Variants in IGSF9B observed in about 807,000 individuals in gnomAD.
The protein encoded by IGSF9B is immunoglobulin superfamily member 9B, also known as protein turtle homolog B.
In IGSF9B, 48 loss-of-function variants were observed where a neutral mutation model predicts 143.7. That is an observed-to-expected ratio of 0.33 (90% CI 0.26 to 0.42). The LOEUF is 0.42. Among genes scored for constraint, IGSF9B ranks in the 20% least tolerant of loss-of-function variants. IGSF9B has a pLI of 1.00. For missense variants in IGSF9B, 1,706 were observed against 1,980.0 expected (o/e 0.86, Z 2.63); for synonymous variants, 903 against 833.1 (o/e 1.08, Z -1.44).
intron 3 of IGSF9B, among the ~76,000 whole-genome samples, chr11:133,940,651 CAA>C (rs767224811): frequency 6.1e-5 from 9 of 147,772 alleles, no homozygotes; most frequent in Non-Finnish European, 1.2e-4. Flanking sequence ...TCATCACACG[CAA>C]AAACATACAC....
Position 133,932,081 on chromosome 11 carries a change from T to C in IGSF9B, c.1100A>G (p.Gln367Arg), listed in dbSNP as rs890364981. 1 of 1,612,886 alleles carries C rather than the reference T, an allele frequency of 6.2e-7. No homozygotes were observed. The highest frequency in any genetic ancestry group is 8.5e-7 in the Non-Finnish European group (1 of 1,179,264). The change falls in exon 8 of 20, where the codon CAG (glutamine) becomes CGG (arginine). Residue 367 changes from glutamine to arginine, a missense_variant. Coordinates refer to ENST00000533871, the MANE Select transcript of IGSF9B (RefSeq NM_001277285.4). ...VKWNKDGRPL[Q>R]VEKNLGWTLM... ...GCATCTCTCTAGCACCTTCTCAACCTGCAGGGGACGGCCGTCCTTGTTCCA... is the reference window on the plus strand; with the variant it reads ...GCATCTCTCTAGCACCTTCTCAACCCGCAGGGGACGGCCGTCCTTGTTCCA...
Position 133,904,154 on chromosome 11 carries a change from A to C in IGSF9B, c.*4915T>G, listed in dbSNP as rs1939179686. 6.6e-6 allele frequency among the ~76,000 whole-genome samples: 1 copy of C among 152,136 alleles called. No individual in the cohort carries two copies. The highest frequency in any genetic ancestry group is 6.6e-5 in the Admixed American group (1 of 15,266). On this transcript the variant is annotated 3_prime_UTR_variant, in exon 20 of 20. Coordinates refer to ENST00000533871, the MANE Select transcript of IGSF9B (RefSeq NM_001277285.4). ...AGGAAGCCTCTCTACCTCAAGAGGA[A>C]AGGGGGATGAAGGCACGTCAGGCTC...
At chr11:133,933,632 C>T (rs1939772508) in intron 7 of IGSF9B, among the ~76,000 whole-genome samples, 1 of 152,186 alleles carries the variant, frequency 6.6e-6, no homozygotes, top group Admixed American at 6.5e-5. Context: ...CCTGTAGTCC[C>T]AGCTACTCTG....
intron 18 of IGSF9B, among the ~76,000 whole-genome samples, chr11:133,918,647 T>C (rs1159712847): frequency 1.3e-5 from 2 of 151,450 alleles, no homozygotes; most frequent in Non-Finnish European, 2.9e-5. Flanking sequence ...GACTTCCAGG[T>C]ACCAGGGAGG....
rs1419521297 is a variant in IGSF9B, at chr11:133,928,409, C to A, written c.1631+1262G>T. 6.6e-6 allele frequency among the ~76,000 whole-genome samples: 1 copy of A among 152,184 alleles called. No individual in the cohort carries two copies. The highest frequency in any genetic ancestry group is 1.5e-5 in the Non-Finnish European group (1 of 68,040). On this transcript the variant is annotated intron_variant, in intron 12 of 19. Transcript: ENST00000533871. The surrounding 1 kb of genome is among the most constrained non-coding windows in gnomAD (Gnocchi z 4.7). ...GGACACTCCGCCCGGGAAGCAGCCA[C>A]CGAACCACCATGATGGGAGACAGAG...
rs546145062 is a variant in IGSF9B at position 133,936,301 on chromosome 11, G to A, written c.680-107C>T. On this transcript the variant is annotated intron_variant, in intron 5 of 19. Transcript: ENST00000533871. ...CTCAGGAAGCGGTGCCCTGAACACT[G>A]CGATGGGGGCGGCTGTCATGGAGAC... The A allele has an allele frequency of 3.2e-6, 3 of 949,658 alleles. No homozygotes were observed. In the Admixed American group the frequency reaches 6.5e-5, roughly 21 times the overall value. 58.8% of individuals were successfully genotyped at this position (949,658 alleles called of 1,614,324 possible).
At position 133,908,938 on chromosome 11, in the gene IGSF9B, C is replaced by G; in HGVS notation, c.*131G>C. Reference sequence around the variant, plus strand: ...ATCTGGAGGGAGACACCCGCTCTGGCAAAAGAGGGGGCATGCAGGACAAAG... The same window carrying G: ...ATCTGGAGGGAGACACCCGCTCTGGGAAAAGAGGGGGCATGCAGGACAAAG... On this transcript the variant is annotated 3_prime_UTR_variant, in exon 20 of 20. Coordinates refer to ENST00000533871, the MANE Select transcript of IGSF9B (RefSeq NM_001277285.4). 1 of 772,746 alleles carries G rather than the reference C, an allele frequency of 1.3e-6. No homozygotes were observed. Among genetic ancestry groups the G allele is most frequent in the Admixed American group, 2.5e-5 (1 of 39,234 alleles). The allele number at this position is 772,746 out of a possible 1,614,324, so 47.9% of individuals were successfully genotyped here.
At chr11:133,917,987 C>T (rs1281242904) in intron 18 of IGSF9B, among the ~76,000 whole-genome samples, 1 of 130,188 alleles carries the variant, frequency 7.7e-6, no homozygotes, top group Non-Finnish European at 1.6e-5. Context: ...AGCAGGCTGG[C>T]GAGGCTGGCG....
At chr11:133,940,608 CAT>C (rs775849993) in intron 3 of IGSF9B, among the ~76,000 whole-genome samples, 2 of 146,258 alleles carry the variant, frequency 1.4e-5, no homozygotes, top group African/African-American at 2.6e-5. Context: ...CGCGTCATCA[CAT>C]AAACATACAC....
At chr11:133,921,455 C>T (rs986916337) in intron 17 of IGSF9B, 58 bp from the exon 18 acceptor site, 1 of 1,331,462 alleles carries the variant, frequency 7.5e-7, no homozygotes, top group South Asian at 1.6e-5. Context: ...CTGGCCAGGA[C>T]TTCCTTTCCC....
intron 18 of IGSF9B, 165 bp from the exon 19 acceptor site, chr11:133,912,172 C>A (rs1360106628): frequency 1.2e-6 from 1 of 848,700 alleles, no homozygotes; most frequent in Non-Finnish European, 1.9e-6. Context: ...TTCTATTGCT[C>A]CTGGAAAGAA....
chr11:133,916,833 G>A (rs2121279226), intron 18 of IGSF9B, among the ~76,000 whole-genome samples: 1 of 152,262 alleles, frequency 6.6e-6, no homozygotes, highest in South Asian at 2.1e-4. Flanking sequence ...GCTGGGACAG[G>A]GAGGGAGCTG....
At chr11:133,946,378 C>T (rs890714055) in intron 1 of IGSF9B, 120 bp from the exon 2 acceptor site, 110 of 792,264 alleles carry the variant, frequency 1.4e-4, no homozygotes, top group Admixed American at 4.2e-5. Context: ...CATGGGCCAC[C>T]GTACCCTCCC....
intron 7 of IGSF9B, 45 bp from the exon 8 acceptor site, chr11:133,932,258 G>T (rs1464621702): frequency 6.7e-7 from 1 of 1,484,050 alleles, no homozygotes; most frequent in African/African-American, 2.5e-5. Flanking sequence ...GACAGACACA[G>T]GGACAGACAG....
chr11:133,956,596 ACCGGGGGGCCAAGGAG>A (rs1565455861), intron 1 of IGSF9B, 79 bp downstream of exon 1: 11 of 805,440 alleles, frequency 1.4e-5, no homozygotes, highest in Non-Finnish European at 2.2e-5. Flanking sequence ...GAGCTGGGGA[ACCGGGGGGCCAAGGAG>A]CCGGGAAACC....
intron 1 of IGSF9B, among the ~76,000 whole-genome samples, chr11:133,950,571 G>T (rs565088472): frequency 6.6e-6 from 1 of 152,338 alleles, no homozygotes; most frequent in East Asian, 1.9e-4. Context: ...CAGGCGCCGG[G>T]ATCAAGGCCT....
chr11:133,904,061 T>C lies in IGSF9B; in HGVS notation c.*5008A>G, dbSNP rs1939178420. Among the ~76,000 whole-genome samples the C allele has an allele frequency of 6.6e-6, 1 of 152,258 alleles. No individual in the cohort carries two copies. The highest frequency in any genetic ancestry group is 2.4e-5 in the African/African-American group (1 of 41,550). On this transcript the variant is annotated 3_prime_UTR_variant, in exon 20 of 20. Coordinates refer to ENST00000533871, the MANE Select transcript of IGSF9B (RefSeq NM_001277285.4). ...CACCTCCACCACAGACTAGTGACTT[T>C]AGCCTATCAAAAGAAGAGAAAGTAA...
rs755027167 is a variant in IGSF9B, at chr11:133,920,803, G to T, written c.2922C>A (p.Ser974Arg). ...GQYYGYLSSS[S>R]PGEVEPPPFY... The stretch of plus-strand genomic sequence containing the variant: ...ACGGGGGCGGCTCCACCTCCCCAGG[G>T]CTGCTGCTGCTGAGGTACCCATAAT... The change falls in exon 18 of 20, where the codon AGC (serine) becomes AGA (arginine). Residue 974 changes from serine to arginine, a missense_variant. By Grantham distance (110) the Ser-to-Arg change is moderately radical. Around this residue, in one of 7 missense-constraint regions of IGSF9B, gnomAD observed 880 missense variants for 762.9 expected, o/e 1.15. Transcript: ENST00000533871. 7 of 1,604,846 alleles carry T rather than the reference G, an allele frequency of 4.4e-6. No individual in the cohort carries two copies. Among genetic ancestry groups the T allele is most frequent in the Non-Finnish European group, 6.0e-6 (7 of 1,175,424 alleles).
chr11:133,949,926 A>G (rs745847846), intron 1 of IGSF9B, among the ~76,000 whole-genome samples: 3 of 152,250 alleles, frequency 2.0e-5, no homozygotes, highest in Non-Finnish European at 4.4e-5. Context: ...AGCGGTGCCC[A>G]GAACCTAGTA....
Sources: allele counts gnomAD v4.1 joint callset (sites outside exome capture counted in the v4.1 genomes callset), GRCh38; gene constraint gnomAD v4.1.1; regional missense constraint gnomAD v4.1.1; non-coding constraint Gnocchi (gnomAD v3.1); transcripts MANE v1.5; gene names NCBI Gene and HGNC (gene_info 2026-07-23, HGNC 2026-07-21).